Variants in CFDP1 observed in about 807,000 individuals in gnomAD.
CFDP1 encodes heterochromatin-stabilizing protein CFDP1.
CFDP1 carries 31 observed loss-of-function variants against 40.1 expected under a neutral mutation model. That is an observed-to-expected ratio of 0.77 (90% CI 0.58 to 1.04). CFDP1 has a LOEUF of 1.04. Among genes scored for constraint, CFDP1 ranks in the 50% least tolerant of loss-of-function variants. The probability of loss-of-function intolerance (pLI) is 0.00; values close to 1 mark genes in which losing one functional copy is unlikely to be tolerated. For missense variants in CFDP1, 423 were observed against 343.4 expected, an observed-to-expected ratio of 1.23 and a Z score of -1.83; for synonymous variants, 167 against 120.0, an observed-to-expected ratio of 1.39 and a Z score of -2.56.
chr16:75,370,389 G>A (rs183572005), intron 5 of CFDP1, among the ~76,000 whole-genome samples: 3 of 152,016 alleles, frequency 2.0e-5, no homozygotes, highest in East Asian at 1.9e-4. Flanking sequence ...CACCACGCTC[G>A]GCCAAATTTT....
chr16:75,354,240 C>A (rs893722610), intron 5 of CFDP1, among the ~76,000 whole-genome samples: 1 of 152,164 alleles, frequency 6.6e-6, no homozygotes, highest in Non-Finnish European at 1.5e-5. Context: ...GCATTTTCAA[C>A]GTATATTTTC....
chr16:75,421,159 C>A (rs1157967726), intron 1 of CFDP1, among the ~76,000 whole-genome samples: 2 of 152,154 alleles, frequency 1.3e-5, no homozygotes, highest in African/African-American at 4.8e-5. Context: ...GAGCCCGGCC[C>A]CTCTTCTTCC....
At chr16:75,333,812 A>G (rs577902651) in intron 5 of CFDP1, among the ~76,000 whole-genome samples, 11 of 152,312 alleles carry the variant, frequency 7.2e-5, no homozygotes, top group Non-Finnish European at 1.2e-4. Context: ...AAAAAGATGA[A>G]GAAAGGAAGT....
chr16:75,335,060 T>C (rs1010244066), intron 5 of CFDP1, among the ~76,000 whole-genome samples: 2 of 152,314 alleles, frequency 1.3e-5, no homozygotes, highest in African/African-American at 4.8e-5. Context: ...GAAGCTGAGA[T>C]ATGGCTCATG....
chr16:75,413,238 C>A (rs968376094), intron 2 of CFDP1, among the ~76,000 whole-genome samples: 5 of 152,146 alleles, frequency 3.3e-5, no homozygotes, highest in African/African-American at 1.2e-4. Flanking sequence ...CATGTTTCTT[C>A]CCACTTTCGG....
chr16:75,394,849 C>A, intron 5 of CFDP1: 2 of 291,874 alleles, frequency 6.9e-6, no homozygotes, highest in Non-Finnish European at 1.3e-5. Flanking sequence ...TTTTAAGAGA[C>A]AGGGTCTTAC....
At chr16:75,376,786 T>A (rs903791192) in intron 5 of CFDP1, among the ~76,000 whole-genome samples, 10 of 152,188 alleles carry the variant, frequency 6.6e-5, no homozygotes, top group Admixed American at 5.9e-4. Context: ...CCCACCAGTG[T>A]GCTATGTCAG....
intron 1 of CFDP1, among the ~76,000 whole-genome samples, chr16:75,431,454 C>CAAAAAAAAAAAAAAAAA (rs60902612): frequency 1.7e-5 from 1 of 59,598 alleles, no homozygotes; most frequent in African/African-American, 6.7e-5. Context: ...ACTCTTGTCT[C>CAAAAAAAAAAAAAAAAA]AAAAAAAAAA....
At chr16:75,349,676 A>ATATATATATAT (rs1199163361) in intron 5 of CFDP1, among the ~76,000 whole-genome samples, 1 of 5,870 alleles carries the variant, frequency 1.7e-4, no homozygotes, top group African/African-American at 6.1e-4. Context: ...AAAAAAAAAA[A>ATATATATATAT]AAAAAAAAAA....
rs1297611544 is a variant in CFDP1 at position 75,395,229 on chromosome 16, A to G, written c.531-20T>C. The G allele has an allele frequency of 1.2e-6, 2 of 1,611,864 alleles. No individual in the cohort carries two copies. Among genetic ancestry groups the G allele is most frequent in the South Asian group, 1.1e-5 (1 of 90,934 alleles). ...GTTACCCTGTGCCAAGGAAAAAGACATCAAGCTTACAAGAAGAATAAAGAG... is the reference window on the plus strand; with the variant it reads ...GTTACCCTGTGCCAAGGAAAAAGACGTCAAGCTTACAAGAAGAATAAAGAG... On this transcript the variant is annotated intron_variant, in intron 4 of 6. Transcript: ENST00000283882.
chr16:75,389,780 T>C (rs189778276), intron 5 of CFDP1, among the ~76,000 whole-genome samples: 1 of 152,294 alleles, frequency 6.6e-6, no homozygotes, highest in East Asian at 1.9e-4. Context: ...GCAAATGGAG[T>C]CTGCTGACAG....
chr16:75,365,161 A>C (rs1395105983), intron 5 of CFDP1, among the ~76,000 whole-genome samples: 1 of 152,232 alleles, frequency 6.6e-6, no homozygotes, highest in Non-Finnish European at 1.5e-5. Context: ...TACAAATCAG[A>C]AAGTAATTAT....
chr16:75,417,953 T>C (rs1052429760), intron 1 of CFDP1, among the ~76,000 whole-genome samples: 5 of 151,976 alleles, frequency 3.3e-5, no homozygotes, highest in African/African-American at 1.2e-4. Flanking sequence ...AATGACACAA[T>C]TATAAAATCA....
intron 5 of CFDP1, among the ~76,000 whole-genome samples, chr16:75,314,415 T>C (rs930499352): frequency 6.6e-6 from 1 of 152,018 alleles, no homozygotes; most frequent in African/African-American, 2.4e-5. Flanking sequence ...ATGTCCAGAA[T>C]AGACAAACCT....
intron 5 of CFDP1, among the ~76,000 whole-genome samples, chr16:75,360,403 C>A (rs2078673342): frequency 6.6e-6 from 1 of 152,190 alleles, no homozygotes; most frequent in Admixed American, 6.5e-5. Context: ...CAATCTATGA[C>A]AATCTGAGCT....
intron 5 of CFDP1, among the ~76,000 whole-genome samples, chr16:75,353,089 C>T (rs1006056002): frequency 6.6e-6 from 1 of 152,136 alleles, no homozygotes; most frequent in African/African-American, 2.4e-5. Context: ...TCAACAAATA[C>T]ATTCCAAGTA....
chr16:75,395,386 C>T (rs1227422934), intron 4 of CFDP1, among the ~76,000 whole-genome samples, 177 bp from the exon 5 acceptor site: 1 of 152,198 alleles, frequency 6.6e-6, no homozygotes, highest in Non-Finnish European at 1.5e-5. Context: ...CCCAGCCGGG[C>T]GTGGTGACTC....
At chr16:75,329,852 G>C (rs1233580530) in intron 5 of CFDP1, among the ~76,000 whole-genome samples, 1 of 152,220 alleles carries the variant, frequency 6.6e-6, no homozygotes, top group Non-Finnish European at 1.5e-5. Context: ...CCATGCTGAT[G>C]CTAGGGATAC....
intron 6 of CFDP1, among the ~76,000 whole-genome samples, chr16:75,302,403 G>C (rs2078227304): frequency 6.6e-6 from 1 of 152,136 alleles, no homozygotes; most frequent in African/African-American, 2.4e-5. Context: ...TGGGACTACA[G>C]GTGTGCACCA....
Sources: allele counts gnomAD v4.1 joint callset (sites outside exome capture counted in the v4.1 genomes callset), GRCh38; gene constraint gnomAD v4.1.1; transcripts MANE v1.5; gene names NCBI Gene and HGNC (gene_info 2026-07-23, HGNC 2026-07-21).